OSBPL8: variants seen among roughly 807,000 people sequenced by gnomAD.
The protein encoded by OSBPL8 is oxysterol-binding protein-related protein 8.
OSBPL8 carries 59 observed loss-of-function variants against 125.5 expected under a neutral mutation model. The observed-to-expected ratio is 0.47, with a 90% CI of 0.38 to 0.58. OSBPL8 has a LOEUF of 0.58. Among genes scored for constraint, OSBPL8 ranks in the 20% least tolerant of loss-of-function variants. OSBPL8 has a pLI of 0.00. For missense variants in OSBPL8, 758 were observed against 1,047.8 expected (o/e 0.72, Z 3.82); for synonymous variants, 330 against 338.9 (o/e 0.97, Z 0.29).
intron 3 of OSBPL8, among the ~76,000 whole-genome samples, chr12:76,452,141 C>T (rs185734827): frequency 6.6e-6 from 1 of 152,170 alleles, no homozygotes; most frequent in East Asian, 1.9e-4. Context: ...GGTTTAGTCT[C>T]CACCATAGGT....
At chr12:76,363,107 A>G (rs979864600) in intron 21 of OSBPL8, among the ~76,000 whole-genome samples, 4 of 152,238 alleles carry the variant, frequency 2.6e-5, no homozygotes, top group African/African-American at 4.8e-5. Context: ...CCATACGGCC[A>G]TAAGTAATTT....
chr12:76,454,700 C>G (rs1873808348), intron 3 of OSBPL8, among the ~76,000 whole-genome samples: 1 of 129,748 alleles, frequency 7.7e-6, no homozygotes, highest in African/African-American at 2.9e-5. Flanking sequence ...GTGTGGGCAA[C>G]AGAGCAAGAC....
At chr12:76,450,745 G>T in intron 4 of OSBPL8, 106 bp downstream of exon 4, 1 of 1,203,532 alleles carries the variant, frequency 8.3e-7, no homozygotes, top group Non-Finnish European at 1.1e-6. Flanking sequence ...AAACCAAATA[G>T]TTAAAAAGAA....
intron 1 of OSBPL8, among the ~76,000 whole-genome samples, chr12:76,508,949 T>C (rs1350821411): frequency 6.6e-6 from 1 of 152,250 alleles, no homozygotes; most frequent in Non-Finnish European, 1.5e-5. Context: ...GCTCTGCCTA[T>C]GGAGTAGACA....
At chr12:76,421,233 T>C (rs1015928066) in intron 4 of OSBPL8, among the ~76,000 whole-genome samples, 4 of 151,802 alleles carry the variant, frequency 2.6e-5, no homozygotes, top group Admixed American at 2.0e-4. Flanking sequence ...ATAAAAAATA[T>C]CTAACATTAA....
intron 2 of OSBPL8, among the ~76,000 whole-genome samples, chr12:76,477,257 T>C (rs897775510): frequency 3.9e-5 from 6 of 152,208 alleles, no homozygotes; most frequent in Non-Finnish European, 5.9e-5. Context: ...CAAAGAGCTA[T>C]TGTATATGTG....
At chr12:76,357,611 T>C (rs1385001805) in intron 22 of OSBPL8, among the ~76,000 whole-genome samples, 2 of 152,174 alleles carry the variant, frequency 1.3e-5, no homozygotes, top group African/African-American at 2.4e-5. Context: ...CTAACTACTC[T>C]AGTATGTTAC....
At chr12:76,476,076 A>G (rs572590928) in intron 2 of OSBPL8, among the ~76,000 whole-genome samples, 1 of 152,276 alleles carries the variant, frequency 6.6e-6, no homozygotes, top group African/African-American at 2.4e-5. Context: ...GATAAAGAAA[A>G]GTTCCCTAAG....
chr12:76,486,622 A>C (rs1878162320), intron 2 of OSBPL8, among the ~76,000 whole-genome samples: 2 of 152,188 alleles, frequency 1.3e-5, no homozygotes, highest in Non-Finnish European at 2.9e-5. Context: ...CCTACTAGTG[A>C]TTTTGTTTTA....
chr12:76,385,673 C>T (rs1292581068), intron 14 of OSBPL8, among the ~76,000 whole-genome samples: 2 of 151,936 alleles, frequency 1.3e-5, no homozygotes, highest in East Asian at 3.9e-4. Context: ...AGAAGAAATA[C>T]TGGAGTGTGA....
chr12:76,462,357 C>T (rs567870725), intron 2 of OSBPL8, among the ~76,000 whole-genome samples: 2 of 152,240 alleles, frequency 1.3e-5, no homozygotes, highest in African/African-American at 4.8e-5. Flanking sequence ...TTAGTCTCGA[C>T]ATTATCCTCA....
intron 1 of OSBPL8, among the ~76,000 whole-genome samples, chr12:76,491,079 T>TTCAC (rs1878664070): frequency 2.6e-5 from 4 of 152,218 alleles, no homozygotes; most frequent in East Asian, 1.9e-4. Flanking sequence ...TCCCACGTTG[T>TTCAC]TCACTCACTC....
intron 15 of OSBPL8, among the ~76,000 whole-genome samples, chr12:76,381,680 A>G (rs1953060256): frequency 6.6e-6 from 1 of 150,918 alleles, no homozygotes; most frequent in Non-Finnish European, 1.5e-5. Context: ...CCCTACTTGT[A>G]CTTAATACTT....
chr12:76,408,701 A>G (rs1025058542), intron 5 of OSBPL8, among the ~76,000 whole-genome samples: 12 of 152,000 alleles, frequency 7.9e-5, no homozygotes, highest in Non-Finnish European at 1.8e-4. Context: ...CTGGATTTCT[A>G]ATTTTATTTA....
chr12:76,384,207 A>C (rs368888291), intron 15 of OSBPL8, 47 bp downstream of exon 15: 55 of 1,160,822 alleles, frequency 4.7e-5, no homozygotes, highest in Non-Finnish European at 6.3e-5. Context: ...CTCACCAGAA[A>C]ATAATACCTC....
intron 1 of OSBPL8, among the ~76,000 whole-genome samples, chr12:76,550,912 C>T (rs1337001856): frequency 5.9e-5 from 9 of 151,504 alleles, no homozygotes; most frequent in African/African-American, 2.2e-4. Flanking sequence ...CCTGTCTGTA[C>T]AAAAAAAATA....
At chr12:76,393,001 T>C (rs147258579) in intron 9 of OSBPL8, among the ~76,000 whole-genome samples, 8 of 152,310 alleles carry the variant, frequency 5.3e-5, no homozygotes, top group African/African-American at 1.7e-4. Context: ...AAAATAAACA[T>C]ACTTTATTTT....
chr12:76,416,068 T>C (rs904241428), intron 4 of OSBPL8, among the ~76,000 whole-genome samples: 12 of 152,152 alleles, frequency 7.9e-5, no homozygotes, highest in African/African-American at 2.9e-4. Context: ...TTCCTCTTAA[T>C]CACGATTTTA....
At chr12:76,416,853 T>C (rs567897617) in intron 4 of OSBPL8, among the ~76,000 whole-genome samples, 1 of 152,236 alleles carries the variant, frequency 6.6e-6, no homozygotes, top group African/African-American at 2.4e-5. Context: ...CCATACTCTA[T>C]TGTCCTCTAC....
Sources: allele counts gnomAD v4.1 joint callset (sites outside exome capture counted in the v4.1 genomes callset), GRCh38; gene constraint gnomAD v4.1.1; transcripts MANE v1.5; gene names NCBI Gene and HGNC (gene_info 2026-07-23, HGNC 2026-07-21).